ASAP2: variants seen among roughly 807,000 people sequenced by gnomAD.
ASAP2 encodes arf-GAP with SH3 domain, ANK repeat and PH domain-containing protein 2.
In ASAP2, 45 loss-of-function variants were observed where a neutral mutation model predicts 131.4. The ratio of observed to expected loss-of-function variants is 0.34; its 90% CI spans 0.27 to 0.44. The LOEUF (loss-of-function observed/expected upper bound fraction) is 0.44. Among genes scored for constraint, ASAP2 ranks in the 20% least tolerant of loss-of-function variants. ASAP2 has a pLI of 1.00. For synonymous variants in ASAP2, 510 were observed against 503.0 expected (o/e 1.01, Z -0.19); for missense variants, 1,011 against 1,297.0 (o/e 0.78, Z 3.39).
chr2:9,214,778 A>T (rs1026247811), intron 1 of ASAP2, among the ~76,000 whole-genome samples: 5 of 88,948 alleles, frequency 5.6e-5, no homozygotes, highest in Non-Finnish European at 8.3e-5. Flanking sequence ...CTGGACGTCT[A>T]AAAAAAAAAA....
At chr2:9,296,748 G>A (rs1368031654) in intron 2 of ASAP2, among the ~76,000 whole-genome samples, 7 of 152,194 alleles carry the variant, frequency 4.6e-5, no homozygotes. Flanking sequence ...AAGGCTTCCT[G>A]GAGGAAGCAT....
chr2:9,230,334 T>A (rs28464564), intron 1 of ASAP2, among the ~76,000 whole-genome samples: 3 of 152,006 alleles, frequency 2.0e-5, no homozygotes, highest in African/African-American at 7.2e-5. Context: ...CCAGAGGGGC[T>A]GCGTGGGCCT....
intron 1 of ASAP2, among the ~76,000 whole-genome samples, chr2:9,248,887 G>A (rs1339196271): frequency 6.6e-6 from 1 of 152,182 alleles, no homozygotes; most frequent in Non-Finnish European, 1.5e-5. Flanking sequence ...CAACGAGGCT[G>A]GCTCTGTGTC....
chr2:9,234,216 C>T (rs975092207), intron 1 of ASAP2, among the ~76,000 whole-genome samples: 3 of 152,044 alleles, frequency 2.0e-5, no homozygotes, highest in African/African-American at 2.4e-5. Context: ...CACTCTGGCT[C>T]GAGTTCATTT....
intron 8 of ASAP2, 95 bp from the exon 9 acceptor site, chr2:9,334,998 G>T: frequency 2.9e-6 from 4 of 1,400,444 alleles, no homozygotes; most frequent in Non-Finnish European, 4.0e-6. Context: ...GGCAGTTGTC[G>T]CATTGTGTGG....
intron 3 of ASAP2, among the ~76,000 whole-genome samples, chr2:9,301,764 A>G (rs1320435766): frequency 4.0e-5 from 6 of 150,222 alleles, no homozygotes; most frequent in African/African-American, 1.2e-4. Context: ...GTTTTCCCTC[A>G]CCCATGTTGA....
At chr2:9,371,758 C>G (rs1345565542) in intron 16 of ASAP2, among the ~76,000 whole-genome samples, 1 of 152,080 alleles carries the variant, frequency 6.6e-6, no homozygotes, top group Middle Eastern at 3.2e-3. Context: ...GTAAGGAGAG[C>G]CCCTCCTCTG....
chr2:9,345,454 C>T (rs1671901354), intron 11 of ASAP2, among the ~76,000 whole-genome samples: 1 of 152,110 alleles, frequency 6.6e-6, no homozygotes, highest in African/African-American at 2.4e-5. Flanking sequence ...GAACTTGGAT[C>T]ACAGACACAG....
At chr2:9,270,824 G>C (rs1317470777) in intron 1 of ASAP2, among the ~76,000 whole-genome samples, 1 of 74,182 alleles carries the variant, frequency 1.3e-5, no homozygotes, top group African/African-American at 4.9e-5. Flanking sequence ...ACGGAGTCTC[G>C]CTCCGTCGCC....
intron 16 of ASAP2, among the ~76,000 whole-genome samples, chr2:9,370,090 G>GCCTCA (rs1673825363): frequency 6.6e-6 from 1 of 152,036 alleles, no homozygotes; most frequent in Admixed American, 6.6e-5. Flanking sequence ...TGCCCACCTT[G>GCCTCA]GCCTCCCAAA....
intron 2 of ASAP2, among the ~76,000 whole-genome samples, chr2:9,290,948 CACT>C (rs1667770238): frequency 2.0e-5 from 3 of 152,200 alleles, no homozygotes; most frequent in Non-Finnish European, 1.5e-5. Flanking sequence ...TTTTCCCCAC[CACT>C]GTTAGCATTT....
intron 3 of ASAP2, among the ~76,000 whole-genome samples, chr2:9,307,795 A>C (rs892484278): frequency 3.3e-4 from 50 of 152,080 alleles, no homozygotes; most frequent in African/African-American, 1.1e-3. Context: ...TTGATCTTTC[A>C]GTTTGTGTTA....
chr2:9,275,994 C>T (rs1055033228), intron 1 of ASAP2, among the ~76,000 whole-genome samples: 4 of 152,220 alleles, frequency 2.6e-5, no homozygotes, highest in Non-Finnish European at 5.9e-5. Flanking sequence ...AGAGGCAGAG[C>T]TGGACAAGTT....
In ASAP2 at chr2:9,301,005, G is replaced by T. The variant is rs10183546; in HGVS notation, c.345+3560G>T. On this transcript the variant is annotated intron_variant, in intron 3 of 27. Coordinates refer to ENST00000281419, the MANE Select transcript of ASAP2 (RefSeq NM_003887.3). ...AGCTGCACAGCCAGAGGAAGGCCCAGTGGCGGCTCCTGCAAAGCTGGGCAA... is the reference window on the plus strand; with the variant it reads ...AGCTGCACAGCCAGAGGAAGGCCCATTGGCGGCTCCTGCAAAGCTGGGCAA... Among the ~76,000 whole-genome samples, 839 of 152,388 alleles carry T rather than the reference G, an allele frequency of 5.5e-3. 8 individuals are homozygous for T. The highest frequency in any genetic ancestry group is 0.015 in the African/African-American group (620 of 41,602).
chr2:9,238,318 CCCCATCTGTAACA>C (rs1322725398), intron 1 of ASAP2, among the ~76,000 whole-genome samples: 1 of 152,258 alleles, frequency 6.6e-6, no homozygotes, highest in Non-Finnish European at 1.5e-5. Flanking sequence ...GCCTCAGTTT[CCCCATCTGTAACA>C]CCAGAGAGCT....
intron 3 of ASAP2, among the ~76,000 whole-genome samples, chr2:9,306,737 C>T (rs1221263293): frequency 3.9e-5 from 6 of 152,020 alleles, no homozygotes; most frequent in Non-Finnish European, 7.4e-5. Flanking sequence ...TGCTTGTTTG[C>T]ATTCCTCCTT....
At chr2:9,264,328 G>GT in intron 1 of ASAP2, among the ~76,000 whole-genome samples, 2 of 152,348 alleles carry the variant, frequency 1.3e-5, no homozygotes, top group East Asian at 3.9e-4. Flanking sequence ...CTGCAGGCAT[G>GT]TCTTCCAGAG....
intron 24 of ASAP2, among the ~76,000 whole-genome samples, chr2:9,396,179 T>A (rs1484335237): frequency 6.6e-6 from 1 of 152,134 alleles, no homozygotes; most frequent in Non-Finnish European, 1.5e-5. Flanking sequence ...CTTTCTCCCC[T>A]TCCAGAGGGT....
At chr2:9,332,023 G>A (rs1023930773) in intron 7 of ASAP2, among the ~76,000 whole-genome samples, 1 of 152,082 alleles carries the variant, frequency 6.6e-6, no homozygotes, top group African/African-American at 2.4e-5. Context: ...GCCCTGGCAC[G>A]GTGTGTGGGG....
Sources: gnomAD v4.1 joint callset for allele counts (sites outside exome capture counted in the v4.1 genomes callset) on GRCh38, gnomAD v4.1.1 for gene constraint, MANE v1.5 for transcripts, NCBI Gene and HGNC (gene_info 2026-07-23, HGNC 2026-07-21) for gene names.